The following ZNF557 variants were observed in gnomAD, a reference collection of about 807,000 sequenced individuals.
The protein encoded by ZNF557 is CTB-25J19.9.
In ZNF557, 19 loss-of-function variants were observed where a neutral mutation model predicts 21.2. The observed-to-expected ratio is 0.90, with a 90% confidence interval of 0.63 to 1.32. The LOEUF (loss-of-function observed/expected upper bound fraction) is 1.32, where lower values mean the gene tolerates loss of function less well. Ranked by LOEUF, ZNF557 falls within the 40% of genes most tolerant of loss-of-function variation. The pLI is 0.00. For missense variants in ZNF557, 487 were observed against 519.8 expected, an observed-to-expected ratio of 0.94 and a Z score of 0.61; for synonymous variants, 207 against 194.8, an observed-to-expected ratio of 1.06 and a Z score of -0.52.
rs1555730813 is a variant in ZNF557, at chr19:7,087,226, T to TTTTTTTTTTTTTTTTTTTTTTTTTTTTTG, written c.*3482_*3483insTTTTTTTTTTTTTTTTTTTTTTTTTTTTG. On this transcript the variant is annotated 3_prime_UTR_variant, in exon 8 of 8. Transcript: ENST00000252840. ...GCTTTTTTTTTTTTTTTTTTTTTTT[T>TTTTTTTTTTTTTTTTTTTTTTTTTTTTTG]CTTCACTGTGGTGATAAAAACCACA... 1 of 87,560 alleles carries TTTTTTTTTTTTTTTTTTTTTTTTTTTTTG rather than the reference T, an allele frequency of 1.1e-5. No homozygotes were observed. The highest frequency in any genetic ancestry group is 1.3e-4 in the Admixed American group (1 of 7,450). The allele number at this position is 87,560 out of a possible 1,614,324, so 5.4% of individuals were successfully genotyped here.
At chr19:7,073,157 G>C (rs10412184) in intron 2 of ZNF557, among the ~76,000 whole-genome samples, 1 of 136,072 alleles carries the variant, frequency 7.3e-6, no homozygotes, top group African/African-American at 2.8e-5. Context: ...GGTTTTTTTT[G>C]TTTTTTTTTT....
intron 7 of ZNF557, 80 bp from the exon 8 acceptor site, chr19:7,082,798 C>G (rs916313289): frequency 7.1e-7 from 1 of 1,416,922 alleles, no homozygotes; most frequent in African/African-American, 1.4e-5. Context: ...AACAGAATTC[C>G]TGGGAGAGGA....
chr19:7,074,775 A>T (rs1036694464), intron 2 of ZNF557, among the ~76,000 whole-genome samples: 2 of 58,384 alleles, frequency 3.4e-5, no homozygotes, highest in African/African-American at 1.5e-4. Flanking sequence ...GGGGTGACCG[A>T]GGCAGGGCAC....
intron 7 of ZNF557, 95 bp from the exon 8 acceptor site, chr19:7,082,783 T>C: frequency 7.7e-7 from 1 of 1,301,114 alleles, no homozygotes; most frequent in Non-Finnish European, 1.0e-6. Flanking sequence ...AATACTATGA[T>C]ACACAACAGA....
In ZNF557 at chr19:7,084,692, C is replaced by T. The variant is rs1410164474; in HGVS notation, c.*948C>T. ...TCAATATGGGAGTAGCATTCAATCA[C>T]CCACAGGTTAACTCACTCTAGAGAG... is the stretch of plus-strand genomic sequence containing the variant. On this transcript the variant is annotated 3_prime_UTR_variant, in exon 8 of 8. Transcript: ENST00000252840. 2.0e-5 allele frequency: 3 copies of T among 152,100 alleles called. No homozygotes were observed. Among genetic ancestry groups the T allele is most frequent in the African/African-American group, 7.2e-5 (3 of 41,402 alleles). The allele number at this position is 152,100 out of a possible 1,614,324, so 9.4% of individuals were successfully genotyped here. A position where few individuals can be genotyped will look rare whatever the true frequency, so the allele number is the denominator to read the frequency against.
At chr19:7,077,964 T>G (rs762034226) in intron 5 of ZNF557, among the ~76,000 whole-genome samples, 12 of 152,194 alleles carry the variant, frequency 7.9e-5, no homozygotes, top group South Asian at 6.2e-4. Context: ...GAAGAAATGT[T>G]CATTCAAGTG....
In ZNF557 at chr19:7,083,957, A is replaced by T; in HGVS notation, c.*213A>T. On this transcript the variant is annotated 3_prime_UTR_variant, in exon 8 of 8. Coordinates refer to ENST00000252840, the MANE Select transcript of ZNF557 (RefSeq NM_024341.3). ...CTATAGTTCTTCAGGATATCTCAAG[A>T]GGTTACAGTCCAGATGTCAGCAGAA... 1 of 550,360 alleles carries T rather than the reference A, an allele frequency of 1.8e-6. No individual in the cohort carries two copies. Among genetic ancestry groups the T allele is most frequent in the Non-Finnish European group, 3.2e-6 (1 of 312,220 alleles). The allele number at this position is 550,360 out of a possible 1,614,324, so 34.1% of individuals were successfully genotyped here. A position where few individuals can be genotyped will look rare whatever the true frequency, so the allele number is the denominator to read the frequency against.
Position 7,075,125 on chromosome 19 carries a change from C to A in ZNF557, c.31+20C>A, listed in dbSNP as rs1977558289. The A allele has an allele frequency of 6.2e-7, 1 of 1,613,782 alleles. No homozygotes were observed. Among genetic ancestry groups the A allele is most frequent in the African/African-American group, 1.3e-5 (1 of 74,840 alleles). On this transcript the variant is annotated intron_variant, in intron 3 of 7. Coordinates refer to ENST00000252840, the MANE Select transcript of ZNF557 (RefSeq NM_024341.3). ...CTGCCGGTGAGTCATGGGGTCCTGG[C>A]AGTTCTCAGAGTCCAGGCTTGAAAG...
Position 7,086,774 on chromosome 19 carries a change from C to G in ZNF557, c.*3030C>G, listed in dbSNP as rs1440875827. ...GGCGCCATGGCTCATGCCTGTAATC[C>G]CAGCACTTTGGGAGGCCGAGGCAGG... On this transcript the variant is annotated 3_prime_UTR_variant, in exon 8 of 8. Transcript: ENST00000252840. 6.6e-6 allele frequency: 1 copy of G among 151,822 alleles called. No homozygotes were observed. The highest frequency in any genetic ancestry group is 1.5e-5 in the Non-Finnish European group (1 of 68,012). The allele number at this position is 151,822 out of a possible 1,614,324, so 9.4% of individuals were successfully genotyped here.
intron 5 of ZNF557, among the ~76,000 whole-genome samples, chr19:7,077,202 C>G (rs181967722): frequency 5.2e-5 from 6 of 115,508 alleles, no homozygotes; most frequent in Admixed American, 2.6e-4. Flanking sequence ...GTGGTGTGAT[C>G]TCAGCTTACT....
At chr19:7,069,889 C>A (rs1407371404) in intron 1 of ZNF557, 116 bp downstream of exon 1, 1 of 152,424 alleles carries the variant, frequency 6.6e-6, no homozygotes, top group South Asian at 2.1e-4. Context: ...GCTGCTGTTT[C>A]CTCCGGTGTC....
rs367635036 is a variant in ZNF557, at chr19:7,083,210, G to A, written c.759G>A (p.Pro253=). Residue 253 remains proline (P), a synonymous_variant, in exon 8 of 8, where the codon CCG becomes CCA. Transcript: ENST00000252840. ...KTFSNSSYLR[P]HLRIHTGEKP... The stretch of plus-strand genomic sequence containing the variant: ...TCAGCAATTCCTCATACCTCAGACC[G>A]CACTTGAGAATTCACACTGGAGAAA... The A allele has an allele frequency of 2.5e-4, 402 of 1,614,064 alleles. No individual in the cohort carries two copies. The highest frequency in any genetic ancestry group is 3.0e-4 in the Non-Finnish European group (354 of 1,180,044).
chr19:7,074,902 C>T, intron 2 of ZNF557, 94 bp from the exon 3 acceptor site: 1 of 942,402 alleles, frequency 1.1e-6, no homozygotes, highest in Non-Finnish European at 1.6e-6. Context: ...GACGGGGTGA[C>T]CGAGGCAGGG....
intron 2 of ZNF557, among the ~76,000 whole-genome samples, chr19:7,074,308 C>T (rs1977525354): frequency 7.3e-6 from 1 of 136,946 alleles, no homozygotes; most frequent in Admixed American, 7.7e-5. Context: ...GCCTGGCCAG[C>T]CGCTTTCATC....
At position 7,075,114 on chromosome 19, in the gene ZNF557, T is replaced by C. The variant is rs1977557915; in HGVS notation, c.31+9T>C. On this transcript the variant is annotated intron_variant, in intron 3 of 7. Coordinates refer to ENST00000252840, the MANE Select transcript of ZNF557 (RefSeq NM_024341.3). ...CCTGCCCCCAACTGCCGGTGAGTCA[T>C]GGGGTCCTGGCAGTTCTCAGAGTCC... 6.2e-7 allele frequency: 1 copy of C among 1,613,896 alleles called. No individual in the cohort carries two copies. Among genetic ancestry groups the C allele is most frequent in the East Asian group, 2.2e-5 (1 of 44,858 alleles).
chr19:7,080,983 A>T (rs1466445952), intron 5 of ZNF557, among the ~76,000 whole-genome samples: 2 of 152,080 alleles, frequency 1.3e-5, no homozygotes, highest in African/African-American at 4.8e-5. Flanking sequence ...CCCCACCCTC[A>T]TGGAGCTGTC....
At chr19:7,082,633 G>A (rs72986670) in intron 7 of ZNF557, among the ~76,000 whole-genome samples, 1 of 152,080 alleles carries the variant, frequency 6.6e-6, no homozygotes, top group Non-Finnish European at 1.5e-5. Context: ...ATTTGAAAAA[G>A]AAATTAGCCT....
rs769988191 is a variant in ZNF557, at chr19:7,076,502, C to A, written c.242C>A (p.Ser81Ter). 6 of 1,614,002 alleles carry A rather than the reference C, an allele frequency of 3.7e-6. No homozygotes were observed. Among genetic ancestry groups the A allele is most frequent in the Non-Finnish European group, 5.1e-6 (6 of 1,179,946 alleles). ...VMLENCRNLA[S>*]LGNQVDKPRL... Reference sequence around the variant, plus strand: ...CTGGAGAACTGCAGGAACCTGGCCTCACTGGGTAAGCCTAATGTCATTCCT... The same window carrying A: ...CTGGAGAACTGCAGGAACCTGGCCTAACTGGGTAAGCCTAATGTCATTCCT... Residue 81 changes from serine (S) to a stop codon, truncating the protein, a stop_gained, in exon 5 of 8, where the codon TCA (serine) becomes TAA (stop). Coordinates refer to ENST00000252840, the MANE Select transcript of ZNF557 (RefSeq NM_024341.3). LOFTEE classifies it high-confidence loss of function.
intron 7 of ZNF557, 70 bp downstream of exon 7, chr19:7,082,122 A>C: frequency 1.5e-6 from 2 of 1,302,234 alleles, no homozygotes; most frequent in Non-Finnish European, 2.2e-6. Flanking sequence ...AGCCACAAGG[A>C]CTGGCCTTGT....
Sources: allele counts gnomAD v4.1 joint callset (sites outside exome capture counted in the v4.1 genomes callset), GRCh38; gene constraint gnomAD v4.1.1; transcripts MANE v1.5; gene names NCBI Gene and HGNC (gene_info 2026-07-23, HGNC 2026-07-21).